TCF7L2: variants seen among roughly 807,000 people sequenced by gnomAD.
TCF7L2 encodes transcription factor 7 like 2.
A neutral mutation model predicts 77.9 loss-of-function variants in TCF7L2; 23 were observed. That is an observed-to-expected ratio of 0.30 (90% CI 0.21 to 0.42). TCF7L2 has a LOEUF of 0.42. Among genes scored for constraint, TCF7L2 ranks in the 10% least tolerant of loss-of-function variants. The pLI is 1.00. For missense variants in TCF7L2, 654 were observed against 793.1 expected, an observed-to-expected ratio of 0.82 and a Z score of 2.11; for synonymous variants, 413 against 340.2, an observed-to-expected ratio of 1.21 and a Z score of -2.36.
intron 10 of TCF7L2, 133 bp downstream of exon 10, chr10:113,152,017 T>C (rs2070839271): frequency 1.6e-6 from 2 of 1,259,488 alleles, no homozygotes; most frequent in Non-Finnish European, 2.2e-6. Flanking sequence ...TTCTGAATCC[T>C]TGAATGGCCT....
chr10:112,955,387 T>C (rs981179627), intron 3 of TCF7L2, among the ~76,000 whole-genome samples: 6 of 152,208 alleles, frequency 3.9e-5, no homozygotes. Context: ...GGGTTTAATG[T>C]CTGCAGTATG....
intron 5 of TCF7L2, among the ~76,000 whole-genome samples, chr10:113,099,031 T>C (rs1292431390): frequency 1.3e-5 from 2 of 152,242 alleles, no homozygotes; most frequent in Non-Finnish European, 2.9e-5. Context: ...GAAAGAGATG[T>C]AACTGCAGTG....
intron 4 of TCF7L2, among the ~76,000 whole-genome samples, chr10:112,990,022 A>G (rs1032650287): frequency 1.3e-5 from 2 of 152,184 alleles, no homozygotes; most frequent in Non-Finnish European, 2.9e-5. Context: ...TCATACAGTG[A>G]AATGGAAGTT....
At chr10:113,152,571 C>G in intron 11 of TCF7L2, 131 bp downstream of exon 11, 1 of 672,882 alleles carries the variant, frequency 1.5e-6, no homozygotes, top group Admixed American at 2.9e-5. Context: ...GCTTTGGGGA[C>G]TGGTAGCATC....
chr10:113,105,541 G>A (rs1049618540), intron 5 of TCF7L2, among the ~76,000 whole-genome samples: 12 of 152,146 alleles, frequency 7.9e-5, no homozygotes, highest in African/African-American at 2.9e-4. Flanking sequence ...TCTGACTGCA[G>A]TCTAGATGCT....
At chr10:113,004,635 A>G (rs1470054296) in intron 4 of TCF7L2, among the ~76,000 whole-genome samples, 1 of 151,954 alleles carries the variant, frequency 6.6e-6, no homozygotes, top group Non-Finnish European at 1.5e-5. Context: ...AAAATTTCCC[A>G]CAGTGAATTG....
intron 5 of TCF7L2, among the ~76,000 whole-genome samples, chr10:113,040,378 C>T (rs1036500255): frequency 2.0e-5 from 3 of 152,128 alleles, no homozygotes; most frequent in African/African-American, 7.2e-5. Flanking sequence ...TAAAATCTAG[C>T]CTTGTGGGCT....
At chr10:113,103,163 A>T (rs184137348) in intron 5 of TCF7L2, among the ~76,000 whole-genome samples, 1 of 152,140 alleles carries the variant, frequency 6.6e-6, no homozygotes, top group African/African-American at 2.4e-5. Context: ...TGGGTCTTCA[A>T]ATGTTGTCCA....
Position 113,142,584 on chromosome 10 carries a change from C to T in TCF7L2, c.685+1268C>T, listed in dbSNP as rs368412663. The stretch of plus-strand genomic sequence containing the variant: ...GATTGGTAGTGTTGGGGTAGGTAGG[C>T]TGCCTGGTTAGGCGGCCTTCACTGC... On this transcript the variant is annotated intron_variant, in intron 6 of 13. Coordinates refer to ENST00000627217, the MANE Select transcript of TCF7L2 (RefSeq NM_001146274.2). Among the ~76,000 whole-genome samples, 39 of 152,318 alleles carry T rather than the reference C, an allele frequency of 2.6e-4. 1 individual carries two copies. The South Asian group carries it at 7.1e-3, about 28-fold the overall frequency.
intron 4 of TCF7L2, among the ~76,000 whole-genome samples, chr10:113,010,654 CT>C (rs2046306068): frequency 6.6e-6 from 1 of 152,164 alleles, no homozygotes; most frequent in African/African-American, 2.4e-5. Context: ...TGATTGCTCC[CT>C]TTATAAAATG....
At chr10:113,149,310 T>TTC (rs1266400928) in intron 8 of TCF7L2, among the ~76,000 whole-genome samples, 1 of 152,258 alleles carries the variant, frequency 6.6e-6, no homozygotes, top group Non-Finnish European at 1.5e-5. Context: ...TACATTTTCC[T>TTC]TCTCTCTCTC....
rs146347568 is a variant in TCF7L2, at chr10:113,145,497, G to A, written c.789-514G>A. Among the ~76,000 whole-genome samples the A allele has an allele frequency of 1.3e-4, 20 of 151,840 alleles. No homozygotes were observed. The East Asian group carries it at 2.3e-3, about 18-fold the overall frequency. ...AATTCTTCTTGGGGACTCTCCCCCC[G>A]GTAACTCTTGTCAACACTTGTTAAT... On this transcript the variant is annotated intron_variant, in intron 7 of 13. Coordinates refer to ENST00000627217, the MANE Select transcript of TCF7L2 (RefSeq NM_001146274.2).
At chr10:113,014,113 C>T (rs542878148) in intron 4 of TCF7L2, among the ~76,000 whole-genome samples, 7 of 152,290 alleles carry the variant, frequency 4.6e-5, no homozygotes, top group Admixed American at 6.5e-5. Flanking sequence ...GCATGTGCCT[C>T]GAGTGCGTGG....
In TCF7L2 at chr10:112,961,260, C is replaced by G. The variant is rs1487255589; in HGVS notation, c.382-3296C>G. Among the ~76,000 whole-genome samples the G allele has an allele frequency of 1.5e-5, 2 of 129,084 alleles. 1 individual carries two copies. The highest frequency in any genetic ancestry group is 6.5e-5 in the African/African-American group (2 of 30,658). The allele number at this position is 129,084 out of a possible 152,430, so 84.7% of individuals were successfully genotyped here. On this transcript the variant is annotated intron_variant, in intron 3 of 13. Coordinates refer to ENST00000627217, the MANE Select transcript of TCF7L2 (RefSeq NM_001146274.2). ...GAACTCCCGACCTCAGGTGACCCCC[C>G]CCCCCCCAACCTCGGCCTTCCAAAG... is the stretch of plus-strand genomic sequence containing the variant.
At chr10:113,125,655 T>A (rs2065467881) in intron 5 of TCF7L2, 1 of 152,162 alleles carries the variant, frequency 6.6e-6, no homozygotes, top group Non-Finnish European at 1.5e-5. Flanking sequence ...CAATGCTAAT[T>A]TTGATGCAGT....
chr10:113,051,451 T>A (rs2054467240), intron 5 of TCF7L2, among the ~76,000 whole-genome samples: 9 of 152,234 alleles, frequency 5.9e-5, no homozygotes, highest in Admixed American at 3.9e-4. Flanking sequence ...CCAAGTTTTA[T>A]GTTTATAATA....
intron 4 of TCF7L2, among the ~76,000 whole-genome samples, chr10:113,004,374 G>T: frequency 6.6e-6 from 1 of 152,188 alleles, no homozygotes; most frequent in South Asian, 2.1e-4. Context: ...GGGTGTGGAA[G>T]TTAAAGTTTA....
intron 5 of TCF7L2, among the ~76,000 whole-genome samples, chr10:113,101,836 CCGTCT>C (rs1409784998): frequency 1.2e-4 from 1 of 8,508 alleles, no homozygotes; most frequent in African/African-American, 8.4e-4. Context: ...GAGCGAGACT[CCGTCT>C]CAAAAAAAAA....
At chr10:113,018,896 A>G (rs2047803871) in intron 4 of TCF7L2, among the ~76,000 whole-genome samples, 1 of 152,078 alleles carries the variant, frequency 6.6e-6, no homozygotes, top group Admixed American at 6.5e-5. Context: ...TGCTGGGAGG[A>G]ACAGGGCCTG....
Sources: gnomAD v4.1 joint callset for allele counts (sites outside exome capture counted in the v4.1 genomes callset) on GRCh38, gnomAD v4.1.1 for gene constraint, MANE v1.5 for transcripts, NCBI Gene and HGNC (gene_info 2026-07-23, HGNC 2026-07-21) for gene names.